The following CDH12 variants were observed in gnomAD, a reference collection of about 807,000 sequenced individuals.
CDH12 encodes cadherin-12.
A neutral mutation model predicts 74.1 loss-of-function variants in CDH12; 41 were observed. The ratio of observed to expected loss-of-function variants is 0.55; its 90% CI spans 0.43 to 0.72. The LOEUF is 0.72. Ranked by LOEUF, CDH12 falls within the 30% of genes least tolerant of loss-of-function variation. The pLI is 0.00. For synonymous variants in CDH12, 399 were observed against 355.0 expected (o/e 1.12, Z -1.39); for missense variants, 945 against 977.2 (o/e 0.97, Z 0.44).
At chr5:22,108,501 T>C (rs113217089) in intron 4 of CDH12, among the ~76,000 whole-genome samples, 2,044 of 152,380 alleles carry the variant, frequency 0.013, 54 homozygotes, top group African/African-American at 0.047. Flanking sequence ...TGATTGTTTT[T>C]AGACACGTGA....
intron 1 of CDH12, among the ~76,000 whole-genome samples, chr5:22,693,931 T>TG (rs975684175): frequency 6.6e-6 from 1 of 151,596 alleles, no homozygotes; most frequent in Admixed American, 6.6e-5. Flanking sequence ...AAAAAAAAAA[T>TG]TATTTATTTA....
intron 3 of CDH12, among the ~76,000 whole-genome samples, chr5:22,368,207 C>T (rs1741114772): frequency 6.6e-6 from 1 of 151,870 alleles, no homozygotes; most frequent in Admixed American, 6.6e-5. Flanking sequence ...TTTTTTTCAG[C>T]TATTTATATA....
chr5:22,521,852 A>G (rs1737067339), intron 1 of CDH12, among the ~76,000 whole-genome samples: 1 of 152,192 alleles, frequency 6.6e-6, no homozygotes, highest in South Asian at 2.1e-4. Flanking sequence ...CCTAAGTTAA[A>G]GCGAAGTGGA....
intron 4 of CDH12, among the ~76,000 whole-genome samples, chr5:22,104,634 A>G (rs1406697094): frequency 3.3e-5 from 5 of 152,136 alleles, no homozygotes; most frequent in Non-Finnish European, 1.5e-5. Flanking sequence ...ATGTTGCTAT[A>G]TCTTTCTTCA....
intron 3 of CDH12, among the ~76,000 whole-genome samples, chr5:22,268,284 T>C (rs779694567): frequency 7.9e-5 from 12 of 152,134 alleles, no homozygotes; most frequent in Non-Finnish European, 1.5e-5. Context: ...TATATATATG[T>C]ACATAAATTT....
chr5:22,265,415 G>A (rs79142622), intron 3 of CDH12, among the ~76,000 whole-genome samples: 1,602 of 152,228 alleles, frequency 0.011, 9 homozygotes, highest in Non-Finnish European at 0.018. Flanking sequence ...AGTTACTATA[G>A]TCTTAACTTC....
intron 3 of CDH12, among the ~76,000 whole-genome samples, chr5:22,234,083 A>C (rs893064425): frequency 6.6e-6 from 1 of 152,200 alleles, no homozygotes. Context: ...TCCTCTTTTT[A>C]AAAAAATAAA....
intron 1 of CDH12, among the ~76,000 whole-genome samples, chr5:22,847,485 A>G (rs1211034841): frequency 6.6e-6 from 1 of 152,136 alleles, no homozygotes; most frequent in East Asian, 1.9e-4. Context: ...TAAATACATC[A>G]TTTCATTTAG....
At chr5:22,790,835 G>A (rs953364868) in intron 1 of CDH12, among the ~76,000 whole-genome samples, 5 of 152,020 alleles carry the variant, frequency 3.3e-5, no homozygotes, top group African/African-American at 1.2e-4. Context: ...GAGCAAGAAG[G>A]GAGTCATAGA....
intron 1 of CDH12, among the ~76,000 whole-genome samples, chr5:22,611,392 G>A (rs1222430362): frequency 6.6e-6 from 1 of 152,038 alleles, no homozygotes; most frequent in Non-Finnish European, 1.5e-5. Flanking sequence ...GTCAATTCTG[G>A]CTCTTAGATC....
rs573596808 is a variant in CDH12, at chr5:21,803,814, G to C, written c.1003-1394C>G. 8.3e-4 allele frequency among the ~76,000 whole-genome samples: 126 copies of C among 152,128 alleles called. 1 individual carries two copies. Among genetic ancestry groups the C allele is most frequent in the Admixed American group, 2.0e-3 (30 of 15,274 alleles). ...CCTGTTCCTTTACTGTAGTACACCT[G>C]GGGAAAATAAAGGAAGGATGGATAT... On this transcript the variant is annotated intron_variant, in intron 9 of 14. Transcript: ENST00000382254.
intron 1 of CDH12, among the ~76,000 whole-genome samples, chr5:22,603,700 G>A (rs1192169669): frequency 6.6e-6 from 1 of 152,102 alleles, no homozygotes; most frequent in African/African-American, 2.4e-5. Context: ...ATCTCAGAAC[G>A]GACCTTGTGG....
intron 6 of CDH12, among the ~76,000 whole-genome samples, chr5:21,861,962 T>C (rs907281484): frequency 7.9e-5 from 12 of 151,744 alleles, no homozygotes; most frequent in African/African-American, 2.9e-4. Context: ...ACTTTTTTCA[T>C]GTATTATATC....
At chr5:22,035,792 A>G (rs940846118) in intron 5 of CDH12, among the ~76,000 whole-genome samples, 15 of 152,030 alleles carry the variant, frequency 9.9e-5, no homozygotes, top group Admixed American at 7.2e-4. Flanking sequence ...TTGATTTAAC[A>G]TTGTGAAAAA....
At chr5:22,721,555 G>C (rs548076243) in intron 1 of CDH12, among the ~76,000 whole-genome samples, 1 of 152,152 alleles carries the variant, frequency 6.6e-6, no homozygotes, top group African/African-American at 2.4e-5. Flanking sequence ...ATGGACTTTC[G>C]AGTTAATATT....
intron 9 of CDH12, among the ~76,000 whole-genome samples, chr5:21,804,576 G>A (rs1370641607): frequency 6.6e-6 from 1 of 150,702 alleles, no homozygotes; most frequent in Non-Finnish European, 1.5e-5. Context: ...AGTTATTAAC[G>A]AGAGTAAATT....
intron 6 of CDH12, among the ~76,000 whole-genome samples, chr5:21,962,511 C>T (rs1756404050): frequency 6.6e-6 from 1 of 152,068 alleles, no homozygotes. Context: ...CATTTCAATG[C>T]CTGGGTCATT....
intron 1 of CDH12, among the ~76,000 whole-genome samples, chr5:22,752,855 T>C (rs910936829): frequency 5.3e-5 from 8 of 151,882 alleles, no homozygotes; most frequent in Non-Finnish European, 1.2e-4. Flanking sequence ...ATTACAGGCG[T>C]GAGCCACCGC....
chr5:22,764,507 A>C (rs1386337889), intron 1 of CDH12, among the ~76,000 whole-genome samples: 1 of 152,044 alleles, frequency 6.6e-6, no homozygotes, highest in East Asian at 1.9e-4. Context: ...ATAAATATGC[A>C]CAATGAAATT....
Sources: gnomAD v4.1 joint callset for allele counts (sites outside exome capture counted in the v4.1 genomes callset) on GRCh38, gnomAD v4.1.1 for gene constraint, MANE v1.5 for transcripts, NCBI Gene and HGNC (gene_info 2026-07-23, HGNC 2026-07-21) for gene names.